SGCZ: variants seen among roughly 807,000 people sequenced by gnomAD.
The protein encoded by SGCZ is sarcoglycan zeta.
SGCZ carries 40 observed loss-of-function variants against 41.3 expected under a neutral mutation model. The observed-to-expected ratio is 0.97, with a 90% CI of 0.75 to 1.26. SGCZ has a LOEUF of 1.26. Among genes scored for constraint, SGCZ ranks in the 50% most tolerant of loss-of-function variants. SGCZ has a pLI of 0.00. For synonymous variants in SGCZ, 206 were observed against 137.5 expected, an observed-to-expected ratio of 1.50 and a Z score of -3.49; for missense variants, 552 against 369.8, an observed-to-expected ratio of 1.49 and a Z score of -4.04.
chr8:15,047,490 A>G (rs935217337), intron 1 of SGCZ, among the ~76,000 whole-genome samples: 1 of 152,040 alleles, frequency 6.6e-6, no homozygotes, highest in Non-Finnish European at 1.5e-5. Context: ...CTGATTTAAA[A>G]TGTTAGTTAT....
intron 1 of SGCZ, among the ~76,000 whole-genome samples, chr8:14,797,762 C>G (rs959464050): frequency 4.6e-5 from 7 of 152,064 alleles, no homozygotes. Flanking sequence ...TGGGGTGGGT[C>G]CAGGGCCCCC....
At chr8:14,313,931 T>C (rs1410256983) in intron 3 of SGCZ, among the ~76,000 whole-genome samples, 3 of 151,458 alleles carry the variant, frequency 2.0e-5, no homozygotes, top group Non-Finnish European at 4.4e-5. Flanking sequence ...TGTGTGTGTG[T>C]GTGTGTGTGT....
chr8:14,112,046 G>T (rs1802386693), intron 5 of SGCZ, among the ~76,000 whole-genome samples: 1 of 152,042 alleles, frequency 6.6e-6, no homozygotes, highest in African/African-American at 2.4e-5. Context: ...ATTTTTTACA[G>T]AAGTCACTGG....
intron 1 of SGCZ, among the ~76,000 whole-genome samples, chr8:15,220,673 A>C (rs1356429772): frequency 6.6e-6 from 1 of 152,178 alleles, no homozygotes; most frequent in East Asian, 1.9e-4. Flanking sequence ...ATATATACCC[A>C]AAGGATTATA....
intron 2 of SGCZ, among the ~76,000 whole-genome samples, chr8:14,358,055 T>C (rs1418930098): frequency 6.6e-6 from 1 of 152,150 alleles, no homozygotes; most frequent in African/African-American, 2.4e-5. Context: ...ATTCGTGCAC[T>C]CACTCATTTA....
intron 2 of SGCZ, among the ~76,000 whole-genome samples, chr8:14,351,451 T>C (rs892394564): frequency 3.9e-5 from 6 of 152,028 alleles, no homozygotes; most frequent in African/African-American, 1.4e-4. Flanking sequence ...CATAATTGCT[T>C]CATGATCAAT....
At chr8:14,790,084 A>G (rs543939358) in intron 1 of SGCZ, among the ~76,000 whole-genome samples, 2 of 152,282 alleles carry the variant, frequency 1.3e-5, no homozygotes, top group East Asian at 3.9e-4. Context: ...CTGTCAATTT[A>G]TTTACATAAT....
At chr8:15,190,905 C>T (rs1314859304) in intron 1 of SGCZ, among the ~76,000 whole-genome samples, 1 of 152,028 alleles carries the variant, frequency 6.6e-6, no homozygotes, top group Non-Finnish European at 1.5e-5. Flanking sequence ...GTTAGTTCTT[C>T]TGAGTTTTAA....
intron 2 of SGCZ, among the ~76,000 whole-genome samples, chr8:14,391,430 G>C (rs1585442565): frequency 6.6e-6 from 1 of 152,034 alleles, no homozygotes; most frequent in African/African-American, 2.4e-5. Context: ...TATATACTAA[G>C]AGATTCCATA....
intron 1 of SGCZ, among the ~76,000 whole-genome samples, chr8:14,926,642 T>G (rs921562540): frequency 3.4e-5 from 5 of 145,498 alleles, no homozygotes; most frequent in Non-Finnish European, 3.0e-5. Flanking sequence ...TCCGTGTGTG[T>G]GGTTTTTTTT....
chr8:14,107,690 G>A (rs970139968), intron 6 of SGCZ, among the ~76,000 whole-genome samples: 2 of 152,102 alleles, frequency 1.3e-5, no homozygotes, highest in Non-Finnish European at 2.9e-5. Flanking sequence ...CCAGGCTGGA[G>A]CACAGCGGCA....
chr8:14,856,338 T>C (rs1368111504), intron 1 of SGCZ, among the ~76,000 whole-genome samples: 1 of 152,176 alleles, frequency 6.6e-6, no homozygotes, highest in Non-Finnish European at 1.5e-5. Flanking sequence ...CCTTGCTCTT[T>C]TTCATCAACC....
chr8:14,575,441 A>G (rs1804677164), intron 1 of SGCZ, among the ~76,000 whole-genome samples: 1 of 152,230 alleles, frequency 6.6e-6, no homozygotes. Flanking sequence ...GAAAATATGT[A>G]TACCTTATTT....
At chr8:14,888,655 C>A (rs1804899128) in intron 1 of SGCZ, among the ~76,000 whole-genome samples, 1 of 151,996 alleles carries the variant, frequency 6.6e-6, no homozygotes, top group South Asian at 2.1e-4. Context: ...ATAAGTAATT[C>A]TTTAGTATAT....
chr8:14,579,475 T>C (rs1178338590), intron 1 of SGCZ, among the ~76,000 whole-genome samples: 1 of 152,224 alleles, frequency 6.6e-6, no homozygotes, highest in African/African-American at 2.4e-5. Flanking sequence ...GCAGTATTGA[T>C]CTTTTTATTT....
At chr8:14,217,734 A>G (rs1473348761) in intron 4 of SGCZ, among the ~76,000 whole-genome samples, 2 of 150,148 alleles carry the variant, frequency 1.3e-5, no homozygotes, top group East Asian at 3.9e-4. Context: ...CGTTCAAGCA[A>G]TTCTCCTGCC....
chr8:15,027,536 A>G (rs896387811), intron 1 of SGCZ, among the ~76,000 whole-genome samples: 3 of 152,086 alleles, frequency 2.0e-5, no homozygotes, highest in Admixed American at 6.5e-5. Context: ...ATATTTACAG[A>G]TAAGTGGCTT....
chr8:15,038,219 T>C (rs577423770), intron 1 of SGCZ, among the ~76,000 whole-genome samples: 4 of 152,178 alleles, frequency 2.6e-5, no homozygotes, highest in Admixed American at 6.5e-5. Flanking sequence ...TACAAAGCTA[T>C]AACAATCAAA....
At position 14,610,667 on chromosome 8, in the gene SGCZ, A is replaced by G. The variant is rs547006412; in HGVS notation, c.40-55741T>C. 2.6e-5 allele frequency among the ~76,000 whole-genome samples: 4 copies of G among 152,304 alleles called. 1 individual carries two copies. In the South Asian group the frequency reaches 8.3e-4, roughly 32 times the overall value. The stretch of plus-strand genomic sequence containing the variant: ...TTCCCCTACAGGGTGCATAGAAGTG[A>G]TGATGATATAAGGCAGAAAATATGT... On this transcript the variant is annotated intron_variant, in intron 1 of 7. Coordinates refer to ENST00000382080, the MANE Select transcript of SGCZ (RefSeq NM_139167.4).
Sources: gnomAD v4.1 joint callset for allele counts (sites outside exome capture counted in the v4.1 genomes callset) on GRCh38, gnomAD v4.1.1 for gene constraint, MANE v1.5 for transcripts, NCBI Gene and HGNC (gene_info 2026-07-23, HGNC 2026-07-21) for gene names.